The following DCHS2 variants were observed in gnomAD, a reference collection of about 807,000 sequenced individuals.
The protein encoded by DCHS2 is protocadherin-23.
A neutral mutation model predicts 182.4 loss-of-function variants in DCHS2; 142 were observed. That is an observed-to-expected ratio of 0.78 (90% CI 0.68 to 0.89). The LOEUF is 0.89. Ranked by LOEUF, DCHS2 falls within the 40% of genes least tolerant of loss-of-function variation. The pLI is 0.00. For synonymous variants in DCHS2, 1,740 were observed against 1,663.3 expected (o/e 1.05, Z -1.12); for missense variants, 4,319 against 4,198.6 (o/e 1.03, Z -0.79).
intron 1 of DCHS2, among the ~76,000 whole-genome samples, chr4:154,452,532 G>T (rs757552921): frequency 6.6e-6 from 1 of 152,096 alleles, no homozygotes; most frequent in Admixed American, 6.6e-5. Flanking sequence ...GCTGAGGCAT[G>T]AGAATCTCTT....
chr4:154,313,561 G>A (rs1165556154), intron 10 of DCHS2, among the ~76,000 whole-genome samples: 3 of 151,948 alleles, frequency 2.0e-5, no homozygotes, highest in Non-Finnish European at 4.4e-5. Context: ...TGCCAGTTAT[G>A]TTAAAATCTT....
At chr4:154,374,521 T>C (rs1004716639) in intron 2 of DCHS2, among the ~76,000 whole-genome samples, 4 of 152,204 alleles carry the variant, frequency 2.6e-5, no homozygotes, top group Admixed American at 2.0e-4. Flanking sequence ...ATTTTTTGTT[T>C]CCTACATATT....
chr4:154,453,579 T>G (rs1427240205), intron 1 of DCHS2, among the ~76,000 whole-genome samples: 1 of 152,168 alleles, frequency 6.6e-6, no homozygotes, highest in East Asian at 1.9e-4. Flanking sequence ...ACTCATCTGC[T>G]GGGCAGTCTT....
intron 1 of DCHS2, among the ~76,000 whole-genome samples, chr4:154,380,821 T>C (rs565603450): frequency 6.6e-6 from 1 of 152,274 alleles, no homozygotes; most frequent in South Asian, 2.1e-4. Context: ...CTATTGGGTC[T>C]TGAATGCCTA....
chr4:154,481,984 G>A (rs141568860), intron 1 of DCHS2, among the ~76,000 whole-genome samples: 434 of 152,302 alleles, frequency 2.8e-3, no homozygotes, highest in Non-Finnish European at 4.5e-3. Flanking sequence ...TCTGAGATCT[G>A]CATGTTTATG....
At chr4:154,278,767 G>T (rs547351353) in intron 13 of DCHS2, among the ~76,000 whole-genome samples, 1 of 152,156 alleles carries the variant, frequency 6.6e-6, no homozygotes, top group Admixed American at 6.5e-5. Flanking sequence ...TGCCAACCAA[G>T]AATACCACGT....
At position 154,290,549 on chromosome 4, in the gene DCHS2, C is replaced by G. The variant is rs139502671; in HGVS notation, c.6463+7302G>C. Among the ~76,000 whole-genome samples, 57 of 150,888 alleles carry G rather than the reference C, an allele frequency of 3.8e-4. 1 individual carries two copies. The highest frequency in any genetic ancestry group is 1.2e-3 in the African/African-American group (51 of 41,186). On this transcript the variant is annotated intron_variant, in intron 13 of 19. Coordinates refer to ENST00000357232, the MANE Select transcript of DCHS2 (RefSeq NM_001358235.2). Reference sequence around the variant, plus strand: ...CCTGGCTTCAAATTATACTACAAAACTATAGTAACAAAACAGCATGGTTCT... The same window carrying G: ...CCTGGCTTCAAATTATACTACAAAAGTATAGTAACAAAACAGCATGGTTCT...
At chr4:154,370,005 T>C (rs1045204116) in intron 2 of DCHS2, among the ~76,000 whole-genome samples, 1 of 152,176 alleles carries the variant, frequency 6.6e-6, no homozygotes, top group Admixed American at 6.5e-5. Flanking sequence ...TCCTGAATAG[T>C]AGAATATTAA....
At chr4:154,241,295 T>C (rs1361878141) in intron 17 of DCHS2, among the ~76,000 whole-genome samples, 1 of 152,178 alleles carries the variant, frequency 6.6e-6, no homozygotes, top group Non-Finnish European at 1.5e-5. Flanking sequence ...TATTTCCTTA[T>C]ATTTATTTTT....
intron 16 of DCHS2, among the ~76,000 whole-genome samples, chr4:154,248,735 AAC>A (rs1732207580): frequency 6.6e-6 from 1 of 152,164 alleles, no homozygotes; most frequent in African/African-American, 2.4e-5. Flanking sequence ...ATATAACACA[AAC>A]ACACAGAGTG....
rs908824583 is a variant in DCHS2, at chr4:154,333,187, G to A, written c.3021C>T (p.Asp1007=). 10 of 1,614,134 alleles carry A rather than the reference G, an allele frequency of 6.2e-6. No homozygotes were observed. Among genetic ancestry groups the A allele is most frequent in the Middle Eastern group, 1.6e-4 (1 of 6,084 alleles). ...ACCGGATGAGTCCGTTCCGCCCACTGTCTCTGTCTTCCGCACGTGCGAGGT... is the reference window on the plus strand; with the variant it reads ...ACCGGATGAGTCCGTTCCGCCCACTATCTCTGTCTTCCGCACGTGCGAGGT... ...ALYLARAEDR[D]SGRNGLIRYS... is the part of the protein sequence containing the mutation. Residue 1007 remains aspartate (D), a synonymous_variant, in exon 5 of 20, where the codon GAC becomes GAT. Coordinates refer to ENST00000357232, the MANE Select transcript of DCHS2 (RefSeq NM_001358235.2).
chr4:154,435,725 G>A (rs1733753025), intron 1 of DCHS2, among the ~76,000 whole-genome samples: 1 of 151,996 alleles, frequency 6.6e-6, no homozygotes, highest in Admixed American at 6.6e-5. Context: ...AATCCAAATT[G>A]TACCTACCAG....
At chr4:154,308,897 T>C (rs991422837) in intron 10 of DCHS2, among the ~76,000 whole-genome samples, 6 of 152,112 alleles carry the variant, frequency 3.9e-5, no homozygotes, top group Non-Finnish European at 5.9e-5. Flanking sequence ...GTAAGTTGAG[T>C]TGCCTTGATA....
chr4:154,259,159 G>C (rs886755740), intron 15 of DCHS2, among the ~76,000 whole-genome samples: 1 of 152,116 alleles, frequency 6.6e-6, no homozygotes, highest in African/African-American at 2.4e-5. Flanking sequence ...TGAAGACTTA[G>C]TGTAAATATC....
chr4:154,460,873 C>T (rs1415828129), intron 1 of DCHS2, among the ~76,000 whole-genome samples: 1 of 152,134 alleles, frequency 6.6e-6, no homozygotes, highest in East Asian at 1.9e-4. Flanking sequence ...AAAAAACTAG[C>T]AGGGTAAAAT....
rs530032382 is a variant in DCHS2 at position 154,405,582 on chromosome 4, CTT to C, written c.2053-28140_2053-28139del. Among the ~76,000 whole-genome samples, 321 of 151,956 alleles carry C rather than the reference CTT, an allele frequency of 2.1e-3. 1 individual carries two copies. The highest frequency in any genetic ancestry group is 7.2e-3 in the African/African-American group (300 of 41,454). On this transcript the variant is annotated intron_variant, in intron 1 of 19. Coordinates refer to ENST00000357232, the MANE Select transcript of DCHS2 (RefSeq NM_001358235.2). Reference sequence around the variant, plus strand: ...AATGCTTTAAAAATATTTTTTAAATCTTTTTTCTTTTCATTCTACAGATTAGA... The same window carrying C: ...AATGCTTTAAAAATATTTTTTAAATCTTTTCTTTTCATTCTACAGATTAGA...
At chr4:154,466,807 C>T (rs568578204) in intron 1 of DCHS2, among the ~76,000 whole-genome samples, 1 of 152,172 alleles carries the variant, frequency 6.6e-6, no homozygotes, top group East Asian at 1.9e-4. Flanking sequence ...TGTTTTAGTT[C>T]AAGAAATATA....
rs768356361 is a variant in DCHS2 at position 154,235,090 on chromosome 4, G to C, written c.9562C>G (p.Gln3188Glu). 2 of 1,613,774 alleles carry C rather than the reference G, an allele frequency of 1.2e-6. No individual in the cohort carries two copies. The highest frequency in any genetic ancestry group is 1.7e-6 in the Non-Finnish European group (2 of 1,179,950). Residue 3188 changes from glutamine (Q) to glutamate (E), a missense_variant, in exon 20 of 20, where the codon CAG becomes GAG. Physicochemically the swap from Gln to Glu is conservative, Grantham distance 29 (BLOSUM62 2). Transcript: ENST00000357232. ...ATGCTCTCTTTTGCCTCTCTCTTCT[G>C]AACTGTCTGGGGTAACACATTATTT... The part of the protein sequence containing the change: ...AQNNVLPQTV[Q>E]KREAKESILA...
At chr4:154,331,750 C>T in intron 5 of DCHS2, 3 of 1,587,316 alleles carry the variant, frequency 1.9e-6, no homozygotes, top group Non-Finnish European at 2.6e-6. Context: ...ATCTTACCAG[C>T]TCCATGACTT....
Sources: allele counts gnomAD v4.1 joint callset (sites outside exome capture counted in the v4.1 genomes callset), GRCh38; gene constraint gnomAD v4.1.1; transcripts MANE v1.5; gene names NCBI Gene and HGNC (gene_info 2026-07-23, HGNC 2026-07-21).